Variants in PTER observed in about 807,000 individuals in gnomAD.
PTER encodes phosphotriesterase related, also known as N-acetyltaurine hydrolase.
A neutral mutation model predicts 29.6 loss-of-function variants in PTER; 38 were observed. That is an observed-to-expected ratio of 1.28 (90% CI 0.99 to 1.68). The LOEUF (loss-of-function observed/expected upper bound fraction) is 1.68. Among genes scored for constraint, PTER ranks in the 40% most tolerant of loss-of-function variants. The pLI is 0.00. For synonymous variants in PTER, 172 were observed against 154.5 expected (o/e 1.11, Z -0.84); for missense variants, 482 against 427.8 (o/e 1.13, Z -1.12).
intron 1 of PTER, among the ~76,000 whole-genome samples, chr10:16,447,286 A>C (rs1220802859): frequency 1.3e-5 from 2 of 150,964 alleles, no homozygotes; most frequent in African/African-American, 4.9e-5. Context: ...TTTTGTAGAG[A>C]TAAGGTGTCA....
In PTER at chr10:16,505,179, C is replaced by T. The variant is rs1836514824; in HGVS notation, c.839+19C>T. 1 of 1,612,464 alleles carries T rather than the reference C, an allele frequency of 6.2e-7. No homozygotes were observed. Among genetic ancestry groups the T allele is most frequent in the Non-Finnish European group, 8.5e-7 (1 of 1,179,144 alleles). On this transcript the variant is annotated intron_variant, in intron 4 of 4. Coordinates refer to ENST00000535784, the MANE Select transcript of PTER (RefSeq NM_001261836.2). ...TTAGAAGGTAAATATGGTAAAGCCT[C>T]TCATAGCATTCCCTTTCCCTAGCCC...
intron 4 of PTER, among the ~76,000 whole-genome samples, chr10:16,506,144 G>A (rs142451861): frequency 1.3e-5 from 2 of 152,302 alleles, no homozygotes; most frequent in South Asian, 4.1e-4. Flanking sequence ...AGACTGAAAA[G>A]CATCCATTGG....
chr10:16,487,239 T>C (rs1340355330), intron 3 of PTER, among the ~76,000 whole-genome samples: 1 of 152,208 alleles, frequency 6.6e-6, no homozygotes, highest in Non-Finnish European at 1.5e-5. Context: ...AAATTTAGTC[T>C]CTCAAAGTTC....
intron 3 of PTER, among the ~76,000 whole-genome samples, chr10:16,502,834 C>T (rs936984852): frequency 1.3e-5 from 2 of 151,540 alleles, no homozygotes; most frequent in African/African-American, 4.8e-5. Flanking sequence ...ACTAAAAATA[C>T]AACAATTAGC....
chr10:16,462,570 C>CT (rs1293360557), intron 1 of PTER, among the ~76,000 whole-genome samples: 39,573 of 126,888 alleles, frequency 0.31, 7,025 homozygotes, highest in East Asian at 0.53. Context: ...ACATAATCTA[C>CT]TTTTTTTTTT....
chr10:16,484,863 C>T (rs752774761), intron 2 of PTER, 47 bp downstream of exon 2: 2 of 1,518,996 alleles, frequency 1.3e-6, no homozygotes, highest in East Asian at 4.5e-5. Context: ...AAATTCAGAA[C>T]AGCCAGAACC....
intron 3 of PTER, among the ~76,000 whole-genome samples, chr10:16,490,903 A>G (rs1464652314): frequency 6.6e-6 from 1 of 151,906 alleles, no homozygotes. Context: ...CAAACAATAT[A>G]TAAATTGCAA....
intron 1 of PTER, among the ~76,000 whole-genome samples, chr10:16,456,328 G>C (rs544316217): frequency 5.9e-5 from 9 of 152,280 alleles, no homozygotes; most frequent in South Asian, 2.1e-4. Flanking sequence ...GATTCTTTAA[G>C]AGTTATGATA....
intron 1 of PTER, among the ~76,000 whole-genome samples, chr10:16,469,772 C>A (rs1191217177): frequency 1.3e-5 from 2 of 152,148 alleles, no homozygotes; most frequent in Non-Finnish European, 1.5e-5. Context: ...GAGATGAGGT[C>A]TCACTTTGTT....
intron 1 of PTER, among the ~76,000 whole-genome samples, chr10:16,461,703 G>A (rs1386201403): frequency 1.3e-5 from 2 of 152,132 alleles, no homozygotes; most frequent in Non-Finnish European, 2.9e-5. Flanking sequence ...GCGACCTCTA[G>A]AGCAATTTTT....
intron 1 of PTER, among the ~76,000 whole-genome samples, chr10:16,470,589 G>A (rs1257937572): frequency 6.6e-6 from 1 of 152,166 alleles, no homozygotes; most frequent in Non-Finnish European, 1.5e-5. Context: ...CCAACAGAGT[G>A]AAACCCCATG....
intron 3 of PTER, among the ~76,000 whole-genome samples, chr10:16,491,391 C>G (rs1417581964): frequency 2.6e-5 from 4 of 152,176 alleles, no homozygotes; most frequent in South Asian, 4.1e-4. Flanking sequence ...CACAGCAAGA[C>G]AGTGGCCATG....
intron 3 of PTER, among the ~76,000 whole-genome samples, chr10:16,493,647 C>T (rs1323466141): frequency 6.6e-6 from 1 of 151,028 alleles, no homozygotes; most frequent in African/African-American, 2.4e-5. Context: ...TGTGTATTTT[C>T]TCTCAACATG....
intron 1 of PTER, among the ~76,000 whole-genome samples, chr10:16,471,153 C>T (rs544329204): frequency 2.5e-4 from 38 of 152,222 alleles, no homozygotes; most frequent in African/African-American, 9.2e-4. Flanking sequence ...TGAACCATAG[C>T]ACTAGAAAGG....
chr10:16,438,918 C>G (rs573609908), intron 1 of PTER, among the ~76,000 whole-genome samples: 2,213 of 63,094 alleles, frequency 0.035, 67 homozygotes, highest in African/African-American at 0.18. Context: ...AAGACTCTGT[C>G]TCAAAAAAAA....
chr10:16,472,757 T>C (rs780685440), intron 1 of PTER, among the ~76,000 whole-genome samples: 9 of 152,220 alleles, frequency 5.9e-5, no homozygotes, highest in Non-Finnish European at 1.0e-4. Flanking sequence ...GGACAGCTTT[T>C]TGAAATTTGA....
chr10:16,483,162 T>A (rs1835544068), intron 1 of PTER, among the ~76,000 whole-genome samples: 1 of 152,222 alleles, frequency 6.6e-6, no homozygotes, highest in South Asian at 2.1e-4. Flanking sequence ...GTTCTTGGTA[T>A]CACTGATAGA....
rs375537112 is a variant in PTER, at chr10:16,452,194, T to TACAC, written c.-49+15171_-49+15174dup. ...AAATCAGTTTGAACCACCAGTGGGA[T>TACAC]ACACACACACACACACACACACACA... On this transcript the variant is annotated intron_variant, in intron 1 of 4. Transcript: ENST00000535784. Among the ~76,000 whole-genome samples the TACAC allele has an allele frequency of 2.2e-3, 322 of 146,314 alleles. 1 individual carries two copies. Among genetic ancestry groups the TACAC allele is most frequent in the African/African-American group, 6.7e-3 (264 of 39,330 alleles).
At chr10:16,447,417 T>C (rs921349608) in intron 1 of PTER, among the ~76,000 whole-genome samples, 2 of 152,156 alleles carry the variant, frequency 1.3e-5, no homozygotes, top group Non-Finnish European at 2.9e-5. Flanking sequence ...ATATTTTTTA[T>C]GTGGAATTTT....
Sources: gnomAD v4.1 joint callset for allele counts (sites outside exome capture counted in the v4.1 genomes callset) on GRCh38, gnomAD v4.1.1 for gene constraint, MANE v1.5 for transcripts, NCBI Gene and HGNC (gene_info 2026-07-23, HGNC 2026-07-21) for gene names.